The following CLASRP variants were observed in gnomAD, a reference collection of about 807,000 sequenced individuals.
The protein encoded by CLASRP is CLK4-associating serine/arginine rich protein.
CLASRP carries 52 observed loss-of-function variants against 99.9 expected under a neutral mutation model. The observed-to-expected ratio is 0.52, with a 90% CI of 0.42 to 0.66. The LOEUF (loss-of-function observed/expected upper bound fraction) is 0.66, where lower values mean the gene tolerates loss of function less well. Among genes scored for constraint, CLASRP ranks in the 30% least tolerant of loss-of-function variants. The probability of loss-of-function intolerance (pLI) is 0.00; values close to 1 mark genes in which losing one functional copy is unlikely to be tolerated. For synonymous variants in CLASRP, 379 were observed against 373.0 expected (o/e 1.02, Z -0.18); for missense variants, 848 against 999.2 (o/e 0.85, Z 2.04).
At chr19:45,064,840 G>A (rs1967046635) in intron 13 of CLASRP, among the ~76,000 whole-genome samples, 1 of 152,224 alleles carries the variant, frequency 6.6e-6, no homozygotes, top group South Asian at 2.1e-4. Flanking sequence ...TGGTGGCAGT[G>A]GAGGTGGATC....
intron 11 of CLASRP, among the ~76,000 whole-genome samples, chr19:45,063,434 A>ATTTTTT (rs1600110419): frequency 7.3e-5 from 4 of 54,954 alleles, no homozygotes; most frequent in Admixed American, 1.8e-4. Flanking sequence ...AGATCTGCTT[A>ATTTTTT]TCTTTTTTTT....
At chr19:45,042,378 G>A (rs1285634289) in intron 2 of CLASRP, among the ~76,000 whole-genome samples, 2 of 152,072 alleles carry the variant, frequency 1.3e-5, no homozygotes, top group East Asian at 3.9e-4. Context: ...GGCTGGGGCA[G>A]TAATACAGGA....
At chr19:45,055,942 A>C (rs1290681788) in intron 5 of CLASRP, among the ~76,000 whole-genome samples, 1 of 152,172 alleles carries the variant, frequency 6.6e-6, no homozygotes, top group African/African-American at 2.4e-5. Flanking sequence ...TGCAGGGAAG[A>C]TCAGGAAGGC....
chr19:45,046,754 G>A (rs1016530827), intron 2 of CLASRP, among the ~76,000 whole-genome samples: 4 of 152,240 alleles, frequency 2.6e-5, no homozygotes, highest in Admixed American at 6.5e-5. Flanking sequence ...TGGGCCGGGC[G>A]CGGTAGCTCA....
At chr19:45,051,436 C>T (rs1473482407) in intron 2 of CLASRP, among the ~76,000 whole-genome samples, 1 of 152,070 alleles carries the variant, frequency 6.6e-6, no homozygotes, top group Non-Finnish European at 1.5e-5. Context: ...GCCTCAGGCT[C>T]CCAAGTAGCT....
chr19:45,061,491 CAG>C (rs1340546684), intron 10 of CLASRP, among the ~76,000 whole-genome samples: 1 of 151,868 alleles, frequency 6.6e-6, no homozygotes, highest in Non-Finnish European at 1.5e-5. Context: ...CCCCCAGAGA[CAG>C]GGTCTTATTC....
At position 45,067,354 on chromosome 19, in the gene CLASRP, G is replaced by C. The variant is rs959969708; in HGVS notation, c.1427G>C (p.Gly476Ala). 1 of 1,521,550 alleles carries C rather than the reference G, an allele frequency of 6.6e-7. No individual in the cohort carries two copies. Among genetic ancestry groups the C allele is most frequent in the African/African-American group, 1.4e-5 (1 of 72,726 alleles). 94.3% of individuals were successfully genotyped at this position (1,521,550 alleles called of 1,614,324 possible). ...RRRSRSRSHSGDRYRRGGRGL... is the reference protein window; with the variant it reads ...RRRSRSRSHSADRYRRGGRGL... Reference sequence around the variant, plus strand: ...ATCCCCAGGAGCCGCTCCCACTCAGGGGACCGCTACAGGCGGGGCGGCCGG... The same window carrying C: ...ATCCCCAGGAGCCGCTCCCACTCAGCGGACCGCTACAGGCGGGGCGGCCGG... The change falls in exon 14 of 21, where the codon GGG becomes GCG. Residue 476 changes from glycine to alanine, a missense_variant. Gly to Ala is a moderately conservative substitution (Grantham distance 60, BLOSUM62 0). This residue lies in a region of CLASRP where 489 missense variants were observed against 434.7 expected (regional missense o/e 1.12). Coordinates refer to ENST00000221455, the MANE Select transcript of CLASRP (RefSeq NM_007056.3). The surrounding 1 kb of genome is among the most constrained non-coding windows in gnomAD (Gnocchi z 4.9).
chr19:45,062,993 G>C (rs141889669), intron 11 of CLASRP, among the ~76,000 whole-genome samples: 58 of 152,238 alleles, frequency 3.8e-4, no homozygotes, highest in African/African-American at 1.3e-3. Flanking sequence ...TCTTCGGAAT[G>C]GGGGTGGGAA....
In CLASRP at chr19:45,064,617, C is replaced by T. The variant is rs754173906; in HGVS notation, c.1396C>T (p.Arg466Trp). Reference protein sequence around the residue: ...SPARRGGYGPRRRSRSRSHSG... With the variant: ...SPARRGGYGPWRRSRSRSHSG... Reference sequence around the variant, plus strand: ...CGCCCGGCGTGGTGGTTACGGGCCCCGGCGCAGAAGCAGGTGTGTGTGGCT... The same window carrying T: ...CGCCCGGCGTGGTGGTTACGGGCCCTGGCGCAGAAGCAGGTGTGTGTGGCT... The change falls in exon 13 of 21, where the codon CGG becomes TGG. Residue 466 changes from arginine to tryptophan, a missense_variant. Arg to Trp is a moderately radical substitution (Grantham distance 101, BLOSUM62 -3). Coordinates refer to ENST00000221455, the MANE Select transcript of CLASRP (RefSeq NM_007056.3). The T allele has an allele frequency of 1.6e-5, 25 of 1,551,188 alleles. No homozygotes were observed. Among genetic ancestry groups the T allele is most frequent in the African/African-American group, 4.1e-5 (3 of 73,704 alleles).
At chr19:45,070,492 G>A in intron 19 of CLASRP, 45 bp from the exon 20 acceptor site, 1 of 1,594,504 alleles carries the variant, frequency 6.3e-7, no homozygotes, top group Non-Finnish European at 8.6e-7. Flanking sequence ...AAGAGGCCCT[G>A]GCCCTGGATG....
At chr19:45,044,893 G>T (rs1486863872) in intron 2 of CLASRP, among the ~76,000 whole-genome samples, 1 of 152,228 alleles carries the variant, frequency 6.6e-6, no homozygotes, top group Admixed American at 6.5e-5. Flanking sequence ...TATCTATAGT[G>T]TGACGTGGGC....
intron 7 of CLASRP, 22 bp from the exon 8 acceptor site, chr19:45,059,246 G>A: frequency 6.3e-7 from 1 of 1,598,858 alleles, no homozygotes; most frequent in Non-Finnish European, 8.5e-7. Context: ...CGTGGCTCCT[G>A]ACAGCCTTTC....
In CLASRP at chr19:45,064,431, C is replaced by G; in HGVS notation, c.1210C>G (p.Arg404Gly). 1 of 1,525,958 alleles carries G rather than the reference C, an allele frequency of 6.6e-7. No individual in the cohort carries two copies. Among genetic ancestry groups the G allele is most frequent in the Non-Finnish European group, 8.8e-7 (1 of 1,137,324 alleles). The allele number at this position is 1,525,958 out of a possible 1,614,324, so 94.5% of individuals were successfully genotyped here. The change falls in exon 13 of 21, where the codon CGT becomes GGT. Residue 404 changes from arginine (R) to glycine (G), a missense_variant. By Grantham distance (125) the Arg-to-Gly change is moderately radical. Coordinates refer to ENST00000221455, the MANE Select transcript of CLASRP (RefSeq NM_007056.3). ...CTCTCGCTCCAGCTCCCGCTCTCGC[C>G]GTGGTGGGGGCTACTACCGTTCCGG... The part of the protein sequence containing the change: ...SSSRSSSRSR[R>G]GGGYYRSGRH...
chr19:45,048,158 A>G (rs963162345), intron 2 of CLASRP, among the ~76,000 whole-genome samples: 13 of 152,094 alleles, frequency 8.5e-5, no homozygotes, highest in East Asian at 3.9e-4. Context: ...ATCTGGGTTC[A>G]AATCCTAGTT....
rs1972034150 is a variant in CLASRP, at chr19:45,052,060, T to C, written c.100-11T>C. ...GTTGGGTGGTGACCTCAGTCCTGTT[T>C]ACCCCTGCAGAAGAAGGACCCAGCC... On this transcript the variant is annotated splice_polypyrimidine_tract_variant and intron_variant, in intron 2 of 20. Coordinates refer to ENST00000221455, the MANE Select transcript of CLASRP (RefSeq NM_007056.3). 3.1e-6 allele frequency: 5 copies of C among 1,612,760 alleles called. No homozygotes were observed. Among genetic ancestry groups the C allele is most frequent in the Middle Eastern group, 1.7e-4 (1 of 6,060 alleles).
In CLASRP at chr19:45,068,636, T is replaced by C. The variant is rs191480708; in HGVS notation, c.1768+156T>C. 2.0e-3 allele frequency among the ~76,000 whole-genome samples: 250 copies of C among 124,164 alleles called. 1 individual carries two copies. The highest frequency in any genetic ancestry group is 0.019 in the East Asian group (82 of 4,260). 81.5% of individuals were successfully genotyped at this position (124,164 alleles called of 152,430 possible). On this transcript the variant is annotated intron_variant, in intron 16 of 20. Transcript: ENST00000221455. ...TGGGGAGGAATGGGTTTGCATCAGC[T>C]CCGCTGCCGCTATGCTGGGGCCTCT...
chr19:45,067,536 G>A lies in CLASRP; in HGVS notation c.1609G>A (p.Ala537Thr), dbSNP rs758239567. The A allele has an allele frequency of 8.7e-6, 14 of 1,604,028 alleles. No individual in the cohort carries two copies. Among genetic ancestry groups the A allele is most frequent in the South Asian group, 5.5e-5 (5 of 90,722 alleles). ...SRSQSPSPSPAREKLTRPAAS... is the reference protein window; with the variant it reads ...SRSQSPSPSPTREKLTRPAAS... ...CAGCCAGAGCCCCTCGCCATCACCC[G>A]CAAGAGAGAAGCTGACCAGGCCGGC... Residue 537 changes from alanine (A) to threonine (T), a missense_variant, in exon 14 of 21, where the codon GCA becomes ACA. By Grantham distance (58) the Ala-to-Thr change is moderately conservative. Transcript: ENST00000221455. This position sits in a 1 kb window ranked among gnomAD's most constrained non-coding sequence, Gnocchi z 4.9.
chr19:45,063,613 A>T (rs1004116180), intron 11 of CLASRP, among the ~76,000 whole-genome samples: 3 of 149,936 alleles, frequency 2.0e-5, no homozygotes, highest in Non-Finnish European at 4.4e-5. Context: ...TGCTCGGCAA[A>T]TTTTTTTTGT....
chr19:45,063,742 G>T (rs768269131), intron 11 of CLASRP, among the ~76,000 whole-genome samples: 2 of 152,014 alleles, frequency 1.3e-5, no homozygotes, highest in Non-Finnish European at 1.5e-5. Flanking sequence ...GAGCCACCGC[G>T]CCCGGCCTGC....
Sources: gnomAD v4.1 joint callset for allele counts (sites outside exome capture counted in the v4.1 genomes callset) on GRCh38, gnomAD v4.1.1 for gene constraint, gnomAD v4.1.1 regional missense constraint, Gnocchi (gnomAD v3.1) non-coding constraint, MANE v1.5 for transcripts, NCBI Gene and HGNC (gene_info 2026-07-23, HGNC 2026-07-21) for gene names.